AKAP11: variants seen among roughly 807,000 people sequenced by gnomAD.
AKAP11 encodes A-kinase anchor protein 11.
Under a neutral mutation model 146.1 loss-of-function variants are expected in AKAP11, and 36 were observed. The observed-to-expected ratio is 0.25, with a 90% confidence interval of 0.19 to 0.33. The LOEUF (loss-of-function observed/expected upper bound fraction) is 0.33. AKAP11 is among the 10% of genes least tolerant of loss of function. The probability of loss-of-function intolerance (pLI) is 1.00; values close to 1 mark genes in which losing one functional copy is unlikely to be tolerated. For synonymous variants in AKAP11, 780 were observed against 786.5 expected, an observed-to-expected ratio of 0.99 and a Z score of 0.14; for missense variants, 2,201 against 2,197.0, an observed-to-expected ratio of 1.00 and a Z score of -0.04.
At chr13:42,306,097 T>C (rs1469942337) in intron 8 of AKAP11, among the ~76,000 whole-genome samples, 1 of 152,196 alleles carries the variant, frequency 6.6e-6, no homozygotes, top group East Asian at 1.9e-4. Flanking sequence ...AACCATATCA[T>C]GGCCTCTTAC....
At position 42,300,554 on chromosome 13, in the gene AKAP11, G is replaced by T. The variant is rs75408491; in HGVS notation, c.1808G>T (p.Arg603Leu). The change falls in exon 8 of 13, where the codon CGT (arginine) becomes CTT (leucine). Residue 603 changes from arginine to leucine, a missense_variant. Coordinates refer to ENST00000025301, the MANE Select transcript of AKAP11 (RefSeq NM_016248.4). ...QMAFDELRRQ[R>L]AFSLKERAIS... ...GCATTTGATGAGCTGAGAAGGCAGC[G>T]TGCATTTTCACTAAAAGAACGTGCC... 6.2e-7 allele frequency: 1 copy of T among 1,613,912 alleles called. No individual in the cohort carries two copies. The highest frequency in any genetic ancestry group is 1.1e-5 in the South Asian group (1 of 91,030).
intron 1 of AKAP11, among the ~76,000 whole-genome samples, chr13:42,273,710 G>T (rs1190967427): frequency 1.3e-5 from 2 of 152,148 alleles, no homozygotes; most frequent in African/African-American, 2.4e-5. Flanking sequence ...GCCTTCTCTA[G>T]CCCCCTGAAC....
chr13:42,288,209 AT>A (rs1209035709), intron 3 of AKAP11, among the ~76,000 whole-genome samples: 1 of 152,212 alleles, frequency 6.6e-6, no homozygotes, highest in East Asian at 1.9e-4. Flanking sequence ...AAATATAGAG[AT>A]ACATTAAATA....
At chr13:42,309,794 C>T (rs1960461163) in intron 9 of AKAP11, among the ~76,000 whole-genome samples, 1 of 152,098 alleles carries the variant, frequency 6.6e-6, no homozygotes, top group South Asian at 2.1e-4. Flanking sequence ...TTGAGAAACA[C>T]AGGCTTCTAT....
At chr13:42,289,557 G>T (rs1369326399) in intron 3 of AKAP11, among the ~76,000 whole-genome samples, 1 of 151,958 alleles carries the variant, frequency 6.6e-6, no homozygotes, top group Non-Finnish European at 1.5e-5. Context: ...TTTGTCTCAG[G>T]CTCATAACTT....
Position 42,320,965 on chromosome 13 carries a change from T to C in AKAP11, c.*1737T>C, listed in dbSNP as rs1291883376. 6.6e-6 allele frequency: 1 copy of C among 152,348 alleles called. No individual in the cohort carries two copies. Among genetic ancestry groups the C allele is most frequent in the Non-Finnish European group, 1.5e-5 (1 of 68,040 alleles). 9.4% of individuals were successfully genotyped at this position (152,348 alleles called of 1,614,324 possible). A position where few individuals can be genotyped will look rare whatever the true frequency, so the allele number is the denominator to read the frequency against. ...ATACAGCAAGCCTTAATATAAAGTT[T>C]CCTAAAGTTTCTTCAAGTATTTTTT... On this transcript the variant is annotated 3_prime_UTR_variant, in exon 13 of 13. Coordinates refer to ENST00000025301, the MANE Select transcript of AKAP11 (RefSeq NM_016248.4).
Position 42,301,380 on chromosome 13 carries a change from A to T in AKAP11, c.2634A>T (p.Ala878=), listed in dbSNP as rs1271102196. 3 of 1,613,740 alleles carry T rather than the reference A, an allele frequency of 1.9e-6. No individual in the cohort carries two copies. Among genetic ancestry groups the T allele is most frequent in the Non-Finnish European group, 2.5e-6 (3 of 1,179,914 alleles). Residue 878 remains alanine (A), a synonymous_variant, in exon 8 of 13, where the codon GCA becomes GCT. Transcript: ENST00000025301. The part of the protein sequence containing the change: ...DPAIISNFSA[A]VVHTIVNETL... ...CAATTATTAGCAACTTTTCTGCAGCAGTGGTGCATACGATAGTAAATGAAA... is the reference window on the plus strand; with the variant it reads ...CAATTATTAGCAACTTTTCTGCAGCTGTGGTGCATACGATAGTAAATGAAA...
At position 42,301,631 on chromosome 13, in the gene AKAP11, A is replaced by G; in HGVS notation, c.2885A>G (p.Asp962Gly). 1 of 1,614,114 alleles carries G rather than the reference A, an allele frequency of 6.2e-7. No individual in the cohort carries two copies. The highest frequency in any genetic ancestry group is 8.5e-7 in the Non-Finnish European group (1 of 1,180,004). ...DKSKSVIPNI[D>G]KNAVYKESLP... ...AGCAAATCAGTGATCCCAAATATAG[A>G]TAAAAATGCAGTATACAAGGAAAGC... Residue 962 changes from aspartate to glycine, a missense_variant, in exon 8 of 13, where the codon GAT (aspartate) becomes GGT (glycine). Coordinates refer to ENST00000025301, the MANE Select transcript of AKAP11 (RefSeq NM_016248.4).
In AKAP11 at chr13:42,322,459, TAA is replaced by T. The variant is rs1206624548; in HGVS notation, c.*3232_*3233del. Reference sequence around the variant, plus strand: ...TAGTTAGCTGATATTCTTCCACAATTAATATATTCAATTTCCCATCAGTATAT... The same window carrying T: ...TAGTTAGCTGATATTCTTCCACAATTTATATTCAATTTCCCATCAGTATAT... On this transcript the variant is annotated 3_prime_UTR_variant, in exon 13 of 13. Transcript: ENST00000025301. The T allele has an allele frequency of 6.6e-6, 1 of 152,282 alleles. No individual in the cohort carries two copies. The highest frequency in any genetic ancestry group is 1.5e-5 in the Non-Finnish European group (1 of 67,980). 9.4% of individuals were successfully genotyped at this position (152,282 alleles called of 1,614,324 possible). A position where few individuals can be genotyped will look rare whatever the true frequency, so the allele number is the denominator to read the frequency against.
intron 8 of AKAP11, among the ~76,000 whole-genome samples, chr13:42,307,006 C>T (rs1258748864): frequency 6.6e-6 from 1 of 152,000 alleles, no homozygotes; most frequent in African/African-American, 2.4e-5. Flanking sequence ...TTTTAGCCAA[C>T]AAAACGATTA....
In AKAP11 at chr13:42,300,748, C is replaced by A; in HGVS notation, c.2002C>A (p.Pro668Thr). Residue 668 changes from proline to threonine, a missense_variant, in exon 8 of 13, where the codon CCT becomes ACT. By Grantham distance (38) the Pro-to-Thr change is conservative. Transcript: ENST00000025301. ...GIMEVCQFSY[P>T]QTPASPQCGS... ...CATGGAGGTGTGTCAGTTTTCATAT[C>A]CTCAAACGCCTGCATCTCCACAGTG... 6.2e-7 allele frequency: 1 copy of A among 1,614,058 alleles called. No individual in the cohort carries two copies. The highest frequency in any genetic ancestry group is 8.5e-7 in the Non-Finnish European group (1 of 1,179,938).
At chr13:42,313,772 CCT>C (rs1960678128) in intron 10 of AKAP11, 120 bp from the exon 11 acceptor site, 1 of 735,480 alleles carries the variant, frequency 1.4e-6, no homozygotes, top group South Asian at 2.3e-5. Context: ...TCATTTCTCC[CCT>C]TTCTAAATGT....
chr13:42,300,088 A>T lies in AKAP11; in HGVS notation c.1342A>T (p.Ser448Cys). Residue 448 changes from serine (S) to cysteine (C), a missense_variant, in exon 8 of 13, where the codon AGT becomes TGT. Ser to Cys is a moderately radical substitution (Grantham distance 112). This residue lies in a region of AKAP11 where 1,867 missense variants were observed against 1,833.5 expected (regional missense o/e 1.02). Coordinates refer to ENST00000025301, the MANE Select transcript of AKAP11 (RefSeq NM_016248.4). Reference sequence around the variant, plus strand: ...ATCAAGGGAAGATAGTGGTTTATTTAGTCCTATTCGATCCTCTGCTTTTAG... The same window carrying T: ...ATCAAGGGAAGATAGTGGTTTATTTTGTCCTATTCGATCCTCTGCTTTTAG... The part of the protein sequence containing the change: ...KASREDSGLF[S>C]PIRSSAFSPL... 2 of 1,613,956 alleles carry T rather than the reference A, an allele frequency of 1.2e-6. No homozygotes were observed. The highest frequency in any genetic ancestry group is 1.7e-6 in the Non-Finnish European group (2 of 1,179,834).
At chr13:42,286,973 G>T (rs1054254688) in intron 3 of AKAP11, among the ~76,000 whole-genome samples, 1 of 152,152 alleles carries the variant, frequency 6.6e-6, no homozygotes, top group Non-Finnish European at 1.5e-5. Context: ...AACAGTCTTT[G>T]TTATTTCTTT....
intron 1 of AKAP11, among the ~76,000 whole-genome samples, chr13:42,285,303 C>T (rs904813618): frequency 1.3e-5 from 2 of 152,116 alleles, no homozygotes; most frequent in Non-Finnish European, 2.9e-5. Context: ...ATCAGCCTCT[C>T]GAGTAGCTGA....
chr13:42,281,743 A>G (rs1959064347), intron 1 of AKAP11, among the ~76,000 whole-genome samples: 1 of 152,098 alleles, frequency 6.6e-6, no homozygotes, highest in East Asian at 1.9e-4. Context: ...ACATGTAGTT[A>G]TACAGATTTT....
chr13:42,296,982 A>G, intron 5 of AKAP11, 66 bp from the exon 6 acceptor site: 1 of 1,445,156 alleles, frequency 6.9e-7, no homozygotes, highest in South Asian at 1.5e-5. Context: ...GATAGGGTCC[A>G]CATTATAGGA....
intron 3 of AKAP11, among the ~76,000 whole-genome samples, chr13:42,289,823 C>T (rs1200751889): frequency 2.6e-5 from 4 of 151,980 alleles, no homozygotes; most frequent in Middle Eastern, 3.4e-3. Flanking sequence ...TGAAAATCCC[C>T]GTTTATTAAG....
chr13:42,318,988 A>C, intron 12 of AKAP11, 100 bp from the exon 13 acceptor site: 1 of 1,357,458 alleles, frequency 7.4e-7, no homozygotes, highest in Middle Eastern at 2.4e-4. Flanking sequence ...TTAATTGTAA[A>C]CAGCAGGATT....
Sources: gnomAD v4.1 joint callset for allele counts (sites outside exome capture counted in the v4.1 genomes callset) on GRCh38, gnomAD v4.1.1 for gene constraint, gnomAD v4.1.1 regional missense constraint, MANE v1.5 for transcripts, NCBI Gene and HGNC (gene_info 2026-07-23, HGNC 2026-07-21) for gene names.